The following GGT1 variants were observed in gnomAD, a reference collection of about 807,000 sequenced individuals.
GGT1 encodes the protein glutathione hydrolase 1 proenzyme.
Under a neutral mutation model 56.0 loss-of-function variants are expected in GGT1, and 21 were observed. That is an observed-to-expected ratio of 0.38 (90% CI 0.27 to 0.54). The LOEUF (loss-of-function observed/expected upper bound fraction) is 0.54, where lower values mean the gene tolerates loss of function less well. Among genes scored for constraint, GGT1 ranks in the 20% least tolerant of loss-of-function variants. GGT1 has a pLI of 0.82. For synonymous variants in GGT1, 238 were observed against 342.6 expected, an observed-to-expected ratio of 0.69 and a Z score of 3.37; for missense variants, 466 against 787.0, an observed-to-expected ratio of 0.59 and a Z score of 4.88.
upstream of GGT1, chr22:24,589,922 G>A: frequency 1.2e-6 from 2 of 1,609,782 alleles, no homozygotes; most frequent in Non-Finnish European, 1.7e-6. Context: ...AGGATATCAG[G>A]AAGGAGGGTC....
chr22:24,607,671 G>A (rs1294760295), intron 1 of GGT1: 1 of 244,720 alleles, frequency 4.1e-6, no homozygotes, highest in Admixed American at 5.5e-5. Context: ...TGCACCCTGT[G>A]CAGATGCCTC....
chr22:24,605,023 CAT>C (rs1286788943), intron 1 of GGT1, among the ~76,000 whole-genome samples: 1 of 65,002 alleles, frequency 1.5e-5, no homozygotes, highest in Non-Finnish European at 2.4e-5. Flanking sequence ...TCCTGTATGT[CAT>C]ATATATATAT....
intron 11 of GGT1, 35 bp downstream of exon 11, chr22:24,623,951 G>A (rs760171598): frequency 8.7e-6 from 14 of 1,608,066 alleles, no homozygotes; most frequent in African/African-American, 1.3e-5. Context: ...GTGGGTGTGG[G>A]GCCTGCCATA....
chr22:24,608,058 G>C, intron 2 of GGT1, 35 bp downstream of exon 2: 1 of 465,252 alleles, frequency 2.1e-6, no homozygotes, highest in Non-Finnish European at 4.4e-6. Flanking sequence ...AGGGGGTCTG[G>C]GTTTGAGGCC....
At chr22:24,591,962 C>G (rs1411098589), upstream of GGT1, among the ~76,000 whole-genome samples, 4 of 152,236 alleles carry the variant, frequency 2.6e-5, no homozygotes, top group African/African-American at 4.8e-5. Context: ...GGCTCTGGCC[C>G]TGGCTTGCCC....
chr22:24,614,031 CAA>C (rs1211159376), intron 5 of GGT1, among the ~76,000 whole-genome samples: 1 of 151,898 alleles, frequency 6.6e-6, no homozygotes, highest in African/African-American at 2.4e-5. Flanking sequence ...TCCTGGGTGA[CAA>C]AGTGAGACCC....
At chr22:24,588,764 A>T in the GGT1 span, 1 of 1,029,746 alleles carries the variant, frequency 9.7e-7, no homozygotes, top group East Asian at 8.3e-5. Context: ...AAGCCAGGTC[A>T]GCGTGTTCTT....
chr22:24,614,950 G>T, intron 6 of GGT1, 44 bp downstream of exon 6: 1 of 1,605,138 alleles, frequency 6.2e-7, no homozygotes, highest in Non-Finnish European at 8.5e-7. Flanking sequence ...AGGGGGTGTG[G>T]GTTGGGCCGA....
At chr22:24,601,783 G>A (rs567698207), upstream of GGT1, among the ~76,000 whole-genome samples, 10 of 152,346 alleles carry the variant, frequency 6.6e-5, no homozygotes, top group East Asian at 1.2e-3. Context: ...CACCCGCCCC[G>A]GGCTGTGTTG....
chr22:24,598,230 G>C (rs911938079), upstream of GGT1: 1 of 152,122 alleles, frequency 6.6e-6, no homozygotes, highest in Non-Finnish European at 1.5e-5. Flanking sequence ...TTGAGGTCAG[G>C]AGTTGGAGAC....
intron 9 of GGT1, among the ~76,000 whole-genome samples, chr22:24,622,179 T>C (rs1447641005): frequency 3.4e-5 from 2 of 58,534 alleles, no homozygotes; most frequent in Non-Finnish European, 6.3e-5. Context: ...ATAGTGAGTC[T>C]ACAAAAAAAA....
intron 11 of GGT1, among the ~76,000 whole-genome samples, chr22:24,626,596 GGTTTA>G (rs771536261): frequency 3.3e-5 from 5 of 151,666 alleles, no homozygotes; most frequent in South Asian, 2.1e-4. Flanking sequence ...CCTTCTGCAG[GGTTTA>G]CCTCGCTAGT....
rs983574711 is a variant in GGT1, at chr22:24,620,637, G to T, written c.575+117G>T. 1 of 1,544,126 alleles carries T rather than the reference G, an allele frequency of 6.5e-7. No individual in the cohort carries two copies. Among genetic ancestry groups the T allele is most frequent in the Non-Finnish European group, 8.7e-7 (1 of 1,147,076 alleles). ...CTTCAGGACCCTGTGCTGATAATGG[G>T]ATGAGGAGATACAGACCCTTCCCAC... On this transcript the variant is annotated intron_variant, in intron 8 of 15. Coordinates refer to ENST00000400382, the MANE Select transcript of GGT1 (RefSeq NM_001288833.2). This position sits in a 1 kb window ranked among gnomAD's most constrained non-coding sequence, Gnocchi z 5.6.
intron 7 of GGT1, among the ~76,000 whole-genome samples, chr22:24,616,870 A>C (rs1390935539): frequency 6.6e-6 from 1 of 151,978 alleles, no homozygotes; most frequent in East Asian, 1.9e-4. Context: ...TTTAATACTC[A>C]TTGAGAAACT....
At chr22:24,605,971 A>ATTAT in intron 1 of GGT1, among the ~76,000 whole-genome samples, 1 of 59,510 alleles carries the variant, frequency 1.7e-5, no homozygotes, top group African/African-American at 6.7e-5. Context: ...TATTACATAT[A>ATTAT]ATATATCATA....
chr22:24,621,368 C>T (rs1023618990), intron 9 of GGT1, among the ~76,000 whole-genome samples: 3 of 151,946 alleles, frequency 2.0e-5, no homozygotes, highest in Non-Finnish European at 2.9e-5. Flanking sequence ...GAGGAGGTGG[C>T]GGCTGGGCTG....
At chr22:24,608,412 G>A (rs2046453614) in intron 2 of GGT1, among the ~76,000 whole-genome samples, 1 of 152,234 alleles carries the variant, frequency 6.6e-6, no homozygotes, top group Admixed American at 6.5e-5. Flanking sequence ...TGGGTAGACA[G>A]ATTAACAGAC....
chr22:24,613,196 C>G (rs2046829314), intron 5 of GGT1, among the ~76,000 whole-genome samples: 1 of 152,142 alleles, frequency 6.6e-6, no homozygotes, highest in South Asian at 2.1e-4. Flanking sequence ...CCACCTCAGC[C>G]CCCTGAGTAG....
upstream of GGT1, chr22:24,592,475 T>G (rs1473904204): frequency 3.3e-5 from 15 of 458,210 alleles, no homozygotes; most frequent in East Asian, 1.0e-3. Context: ...ACAAGATGAT[T>G]TGACCTCACT....
Sources: gnomAD v4.1 joint callset for allele counts (sites outside exome capture counted in the v4.1 genomes callset) on GRCh38, gnomAD v4.1.1 for gene constraint, Gnocchi (gnomAD v3.1) non-coding constraint, MANE v1.5 for transcripts, NCBI Gene and HGNC (gene_info 2026-07-23, HGNC 2026-07-21) for gene names.